The following LDLRAD4 variants were observed in gnomAD, a reference collection of about 807,000 sequenced individuals.
The protein encoded by LDLRAD4 is low density lipoprotein receptor class A domain containing 4.
LDLRAD4 carries 5 observed loss-of-function variants against 17.0 expected under a neutral mutation model. The ratio of observed to expected loss-of-function variants is 0.29; its 90% confidence interval spans 0.15 to 0.62. LDLRAD4 has a LOEUF of 0.62. Among genes scored for constraint, LDLRAD4 ranks in the 20% least tolerant of loss-of-function variants. The pLI is 0.84. For synonymous variants in LDLRAD4, 168 were observed against 171.8 expected, an observed-to-expected ratio of 0.98 and a Z score of 0.17; for missense variants, 340 against 424.7, an observed-to-expected ratio of 0.80 and a Z score of 1.75.
chr18:13,284,013 A>G (rs1490471682), intron 1 of LDLRAD4, among the ~76,000 whole-genome samples: 2 of 152,194 alleles, frequency 1.3e-5, no homozygotes, highest in Non-Finnish European at 2.9e-5. Flanking sequence ...AAAGGCCCTC[A>G]TAATTCAATT....
At chr18:13,219,899 C>T (rs1017141344) in intron 1 of LDLRAD4, among the ~76,000 whole-genome samples, 1 of 152,192 alleles carries the variant, frequency 6.6e-6, no homozygotes, top group Non-Finnish European at 1.5e-5. Flanking sequence ...ATTGTCTTTT[C>T]TAGTCTTTAA....
chr18:13,595,259 T>C (rs2095081093), intron 3 of LDLRAD4, among the ~76,000 whole-genome samples: 1 of 152,264 alleles, frequency 6.6e-6, no homozygotes, highest in African/African-American at 2.4e-5. Context: ...TTTTTCTTGA[T>C]TTTGTTTTAA....
Position 13,645,007 on chromosome 18 carries a change from TGGGAGA to T in LDLRAD4, c.391-119_391-114del. On this transcript the variant is annotated intron_variant, in intron 5 of 5. Transcript: ENST00000359446. This position sits in a 1 kb window ranked among gnomAD's most constrained non-coding sequence, Gnocchi z 5.7. ...TTTCCTGTTTTCTTTTTTTTTTTCC[TGGGAGA>T]TGGTGTTCAAACTGGTAGGAACACA... 1.3e-6 allele frequency: 1 copy of T among 776,598 alleles called. No individual in the cohort carries two copies. Among genetic ancestry groups the T allele is most frequent in the Non-Finnish European group, 2.1e-6 (1 of 486,408 alleles). 48.1% of individuals were successfully genotyped at this position (776,598 alleles called of 1,614,324 possible). A position where few individuals can be genotyped will look rare whatever the true frequency, so the allele number is the denominator to read the frequency against.
At chr18:13,321,861 C>CAAAAAAAAAAAAAAAAAAAAAAAA (rs57033432) in intron 1 of LDLRAD4, among the ~76,000 whole-genome samples, 27 of 62,138 alleles carry the variant, frequency 4.3e-4, no homozygotes, top group Admixed American at 1.5e-3. Flanking sequence ...GACTCCGTCT[C>CAAAAAAAAAAAAAAAAAAAAAAAA]AAAAAAAAAA....
chr18:13,340,290 T>A lies in LDLRAD4; in HGVS notation c.-382-47051T>A, dbSNP rs552915530. On this transcript the variant is annotated intron_variant, in intron 1 of 5. Coordinates refer to ENST00000359446, the Ensembl canonical transcript of LDLRAD4. The stretch of plus-strand genomic sequence containing the variant: ...GTTCTTTTGAGGATAGCTCCAGAAG[T>A]GGACTTGCTGGGACATATCGTAATT... 2.6e-5 allele frequency among the ~76,000 whole-genome samples: 4 copies of A among 152,286 alleles called. No homozygotes were observed. In the East Asian group the frequency reaches 7.7e-4, roughly 29 times the overall value.
chr18:13,332,154 C>G (rs975328910), intron 1 of LDLRAD4, among the ~76,000 whole-genome samples: 2 of 152,202 alleles, frequency 1.3e-5, no homozygotes, highest in Admixed American at 1.3e-4. Flanking sequence ...GTAAATTATA[C>G]GTTCTTAGAA....
At chr18:13,620,088 G>A (rs1287224286) in intron 3 of LDLRAD4, among the ~76,000 whole-genome samples, 1 of 152,140 alleles carries the variant, frequency 6.6e-6, no homozygotes, top group African/African-American at 2.4e-5. Context: ...GTGGGCAGCA[G>A]ACGCACACAG....
chr18:13,540,845 T>C (rs1568316318), intron 3 of LDLRAD4, among the ~76,000 whole-genome samples: 1 of 152,154 alleles, frequency 6.6e-6, no homozygotes, highest in Non-Finnish European at 1.5e-5. Context: ...CTCGACCGTG[T>C]TTTTCTTCCT....
At chr18:13,308,584 T>C (rs1176645029) in intron 1 of LDLRAD4, among the ~76,000 whole-genome samples, 2 of 152,226 alleles carry the variant, frequency 1.3e-5, no homozygotes, top group African/African-American at 4.8e-5. Context: ...ACTGGTAGAC[T>C]GGGTCACCAC....
At chr18:13,650,209 G>A in exon 6 of LDLRAD4, 1 of 402,694 alleles carries the variant, frequency 2.5e-6, no homozygotes, top group East Asian at 3.5e-5. Context: ...CCTTTGCAGA[G>A]TTCAAGTTTA....
chr18:13,269,682 T>A (rs1296293064), intron 1 of LDLRAD4, among the ~76,000 whole-genome samples: 1 of 152,132 alleles, frequency 6.6e-6, no homozygotes, highest in Non-Finnish European at 1.5e-5. Flanking sequence ...TGCTCACACT[T>A]GGAGTCAGTC....
At chr18:13,477,095 G>T (rs2092959023) in intron 3 of LDLRAD4, among the ~76,000 whole-genome samples, 1 of 151,840 alleles carries the variant, frequency 6.6e-6, no homozygotes, top group Non-Finnish European at 1.5e-5. Flanking sequence ...TAGTAATTTT[G>T]GTGGAATTTT....
chr18:13,386,911 GATA>G (rs2085857382), intron 1 of LDLRAD4, among the ~76,000 whole-genome samples: 1 of 45,814 alleles, frequency 2.2e-5, no homozygotes, highest in African/African-American at 5.7e-5. Flanking sequence ...TAGATAGATA[GATA>G]GATAGATAGA....
intron 2 of LDLRAD4, among the ~76,000 whole-genome samples, chr18:13,415,367 G>A (rs1197199218): frequency 6.6e-6 from 1 of 152,250 alleles, no homozygotes; most frequent in Non-Finnish European, 1.5e-5. Context: ...CACAGACGAG[G>A]CTTGCGTGCC....
upstream of LDLRAD4, among the ~76,000 whole-genome samples, chr18:13,274,783 C>T (rs1212074578): frequency 6.6e-6 from 1 of 152,146 alleles, no homozygotes; most frequent in African/African-American, 2.4e-5. Context: ...TGTTGGGTAG[C>T]AGGAACTGTG....
At chr18:13,640,033 T>A (rs2042392948) in intron 4 of LDLRAD4, among the ~76,000 whole-genome samples, 1 of 152,162 alleles carries the variant, frequency 6.6e-6, no homozygotes, top group Non-Finnish European at 1.5e-5. Flanking sequence ...ACGCCTGTAA[T>A]CCCAGCACTT....
intron 3 of LDLRAD4, among the ~76,000 whole-genome samples, chr18:13,601,701 C>T: frequency 6.6e-6 from 1 of 151,378 alleles, no homozygotes; most frequent in African/African-American, 2.4e-5. Flanking sequence ...AACACTTACA[C>T]ACTCTTGGTG....
chr18:13,331,590 C>T (rs1181131906), intron 1 of LDLRAD4, among the ~76,000 whole-genome samples: 1 of 152,186 alleles, frequency 6.6e-6, no homozygotes, highest in Non-Finnish European at 1.5e-5. Context: ...GTTTATTAAA[C>T]ATGATCAGTG....
intron 1 of LDLRAD4, among the ~76,000 whole-genome samples, chr18:13,250,580 G>T (rs1480456446): frequency 1.3e-5 from 2 of 152,034 alleles, no homozygotes; most frequent in Non-Finnish European, 2.9e-5. Flanking sequence ...AAATATAAAG[G>T]ATCATTAGAG....
Sources: allele counts gnomAD v4.1 joint callset (sites outside exome capture counted in the v4.1 genomes callset), GRCh38; gene constraint gnomAD v4.1.1; non-coding constraint Gnocchi (gnomAD v3.1); transcripts MANE v1.5; gene names NCBI Gene and HGNC (gene_info 2026-07-23, HGNC 2026-07-21).